EVL: variants seen among roughly 807,000 people sequenced by gnomAD.
EVL encodes the protein Enah/Vasp-like.
A neutral mutation model predicts 59.6 loss-of-function variants in EVL; 21 were observed. The observed-to-expected ratio is 0.35, with a 90% CI of 0.25 to 0.51. EVL has a LOEUF of 0.51. Ranked by LOEUF, EVL falls within the 20% of genes least tolerant of loss-of-function variation. EVL has a pLI of 0.97. For synonymous variants in EVL, 198 were observed against 203.5 expected (o/e 0.97, Z 0.23); for missense variants, 462 against 546.6 (o/e 0.85, Z 1.54).
chr14:100,033,262 A>T (rs569192785), intron 1 of EVL, among the ~76,000 whole-genome samples: 32 of 152,354 alleles, frequency 2.1e-4, no homozygotes, highest in African/African-American at 7.0e-4. Flanking sequence ...CTAGATTCCT[A>T]TACAAACAAG....
intron 1 of EVL, among the ~76,000 whole-genome samples, chr14:99,985,135 T>TAC (rs2060831924): frequency 6.6e-6 from 1 of 151,854 alleles, no homozygotes; most frequent in East Asian, 1.9e-4. Flanking sequence ...GCTTGACAGA[T>TAC]ATATATATAT....
rs1159545044 is a variant in EVL at position 100,143,743 on chromosome 14, C to T, written c.*5C>T. The T allele has an allele frequency of 1.2e-6, 2 of 1,612,066 alleles. No individual in the cohort carries two copies. The highest frequency in any genetic ancestry group is 1.7e-6 in the Non-Finnish European group (2 of 1,179,772). ...AGTGGGATCAGCACCACGTAAGGGGCCGGCCTCGCTGCGCTGATTCGTCGA... is the reference window on the plus strand; with the variant it reads ...AGTGGGATCAGCACCACGTAAGGGGTCGGCCTCGCTGCGCTGATTCGTCGA... On this transcript the variant is annotated 3_prime_UTR_variant, in exon 14 of 14. Transcript: ENST00000392920.
At chr14:100,129,711 G>A (rs1240237257) in intron 7 of EVL, 27 bp downstream of exon 7, 2 of 1,528,302 alleles carry the variant, frequency 1.3e-6, no homozygotes, top group Non-Finnish European at 1.8e-6. Context: ...CCCGAGACTT[G>A]GTGTGCCTAG....
chr14:100,019,582 T>C (rs2037866011), intron 1 of EVL: 15 of 1,269,922 alleles, frequency 1.2e-5, no homozygotes, highest in African/African-American at 1.5e-5. Flanking sequence ...TTCTGCACTT[T>C]GCACCATCTG....
chr14:100,045,204 G>A (rs2061529061), intron 1 of EVL, among the ~76,000 whole-genome samples: 1 of 152,208 alleles, frequency 6.6e-6, no homozygotes, highest in Non-Finnish European at 1.5e-5. Flanking sequence ...AAAAGAGTGT[G>A]TGATGTTTTC....
chr14:100,044,799 C>T (rs2061523429), intron 1 of EVL, among the ~76,000 whole-genome samples: 1 of 152,010 alleles, frequency 6.6e-6, no homozygotes, highest in South Asian at 2.1e-4. Context: ...AGTGAGCTCC[C>T]CAGTATAGCT....
chr14:100,087,526 T>A (rs2062472585), intron 2 of EVL, among the ~76,000 whole-genome samples: 1 of 152,030 alleles, frequency 6.6e-6, no homozygotes, highest in South Asian at 2.1e-4. Context: ...AGGTGGGAGA[T>A]TCTGTTGAGT....
intron 1 of EVL, among the ~76,000 whole-genome samples, chr14:100,047,957 A>G (rs183352689): frequency 6.6e-6 from 1 of 152,254 alleles, no homozygotes; most frequent in South Asian, 2.1e-4. Flanking sequence ...CTCACATGTT[A>G]TACAAAAGTT....
intron 1 of EVL, among the ~76,000 whole-genome samples, chr14:99,984,770 C>T (rs999942135): frequency 6.6e-6 from 1 of 152,044 alleles, no homozygotes; most frequent in African/African-American, 2.4e-5. Context: ...TGCGTCACCA[C>T]ACCCGGCTAA....
chr14:100,122,422 A>C (rs1362900419), intron 3 of EVL, among the ~76,000 whole-genome samples: 1 of 152,208 alleles, frequency 6.6e-6, no homozygotes, highest in African/African-American at 2.4e-5. Context: ...AGTTAAATTT[A>C]ACATTAAATT....
At chr14:100,038,034 T>C (rs906501157) in intron 1 of EVL, among the ~76,000 whole-genome samples, 2 of 152,176 alleles carry the variant, frequency 1.3e-5, no homozygotes, top group Non-Finnish European at 2.9e-5. Flanking sequence ...GCAACAGGAC[T>C]GGAACTAGCT....
chr14:100,128,592 C>A lies in EVL; in HGVS notation c.561C>A (p.Pro187=), dbSNP rs200017971. 2.0e-6 allele frequency: 3 copies of A among 1,536,754 alleles called. No homozygotes were observed. The highest frequency in any genetic ancestry group is 2.7e-5 in the African/African-American group (2 of 72,936). ...TCTCATGTAGTGGGCCTCCACCGCC[C>A]CCCCCACCCCCAGTCCCACCTCCAC... is the stretch of plus-strand genomic sequence containing the variant. ...APVSCSGPPP[P]PPPPVPPPPT... is the part of the protein sequence containing the mutation. Residue 187 remains proline (P), a synonymous_variant, in exon 6 of 14, where the codon CCC becomes CCA. Transcript: ENST00000392920.
chr14:100,105,035 C>G (rs1407117137), intron 3 of EVL, among the ~76,000 whole-genome samples: 1 of 151,324 alleles, frequency 6.6e-6, no homozygotes, highest in Non-Finnish European at 1.5e-5. Flanking sequence ...TTGTGCCGGT[C>G]ATGCCAACAT....
chr14:99,983,471 A>C (rs1404346482), intron 1 of EVL, among the ~76,000 whole-genome samples: 1 of 152,120 alleles, frequency 6.6e-6, no homozygotes, highest in Admixed American at 6.5e-5. Flanking sequence ...TGTGTTTCCT[A>C]TGGAACTTAA....
chr14:100,034,562 A>C (rs2061360788), intron 1 of EVL, among the ~76,000 whole-genome samples: 1 of 127,004 alleles, frequency 7.9e-6, no homozygotes, highest in Non-Finnish European at 1.8e-5. Flanking sequence ...CCAGAGCAAG[A>C]CCCTGTCTCT....
intron 1 of EVL, among the ~76,000 whole-genome samples, chr14:100,057,008 A>G (rs1012681259): frequency 1.3e-5 from 2 of 152,214 alleles, no homozygotes; most frequent in South Asian, 4.1e-4. Context: ...AGCAGGAATA[A>G]TTTTCTCTAT....
At chr14:100,021,462 T>C (rs1335093608) in intron 1 of EVL, among the ~76,000 whole-genome samples, 2 of 152,186 alleles carry the variant, frequency 1.3e-5, no homozygotes, top group Non-Finnish European at 2.9e-5. Context: ...TGCTGCATGG[T>C]GTCAGACAAA....
rs1471580122 is a variant in EVL at position 100,144,118 on chromosome 14, A to C, written c.*380A>C. The C allele has an allele frequency of 1.9e-5, 6 of 314,348 alleles. No homozygotes were observed. In the East Asian group the frequency reaches 4.7e-4, roughly 25 times the overall value. The allele number at this position is 314,348 out of a possible 1,614,324, so 19.5% of individuals were successfully genotyped here. ...GTGACAGCCGGCCCAGCGTGGCGCC[A>C]CCACACACCGCAGAGCTGTCCAGGC... On this transcript the variant is annotated 3_prime_UTR_variant, in exon 14 of 14. Transcript: ENST00000392920.
intron 1 of EVL, among the ~76,000 whole-genome samples, chr14:100,072,052 A>G (rs1260774596): frequency 6.6e-6 from 1 of 152,212 alleles, no homozygotes; most frequent in Non-Finnish European, 1.5e-5. Context: ...TACAGTCTAC[A>G]TTCAGTTGGC....
Sources: gnomAD v4.1 joint callset for allele counts (sites outside exome capture counted in the v4.1 genomes callset) on GRCh38, gnomAD v4.1.1 for gene constraint, MANE v1.5 for transcripts, NCBI Gene and HGNC (gene_info 2026-07-23, HGNC 2026-07-21) for gene names.